LMF1: variants seen among roughly 807,000 people sequenced by gnomAD.
LMF1 encodes transmembrane protein 112.
A neutral mutation model predicts 60.6 loss-of-function variants in LMF1; 68 were observed. The ratio of observed to expected loss-of-function variants is 1.12; its 90% CI spans 0.92 to 1.37. LMF1 has a LOEUF of 1.37. LMF1 is among the 40% of genes most tolerant of loss of function. The pLI is 0.00. For missense variants in LMF1, 948 were observed against 767.2 expected, an observed-to-expected ratio of 1.24 and a Z score of -2.78; for synonymous variants, 418 against 324.7, an observed-to-expected ratio of 1.29 and a Z score of -3.09.
At position 887,876 on chromosome 16, in the gene LMF1, C is replaced by A. The variant is rs971096912; in HGVS notation, c.729+5131G>T. 7.2e-5 allele frequency among the ~76,000 whole-genome samples: 11 copies of A among 152,300 alleles called. No individual in the cohort carries two copies. The East Asian group carries it at 7.7e-4, about 11-fold the overall frequency. On this transcript the variant is annotated intron_variant, in intron 5 of 10. Coordinates refer to ENST00000262301, the MANE Select transcript of LMF1 (RefSeq NM_022773.4). ...GCAGGTGTGGGAGCCCAGAGACGCA[C>A]CCCCAAGTTGCAGGCTGCCGGCCAC...
chr16:912,812 C>G (rs2071158379), intron 3 of LMF1, among the ~76,000 whole-genome samples: 1 of 152,244 alleles, frequency 6.6e-6, no homozygotes, highest in African/African-American at 2.4e-5. Flanking sequence ...GGAATTCCAG[C>G]AGCTGCGCGG....
chr16:860,772 A>AT (rs34315163), intron 10 of LMF1, among the ~76,000 whole-genome samples: 1 of 151,682 alleles, frequency 6.6e-6, no homozygotes, highest in African/African-American at 2.4e-5. Flanking sequence ...TGTAAAAAAA[A>AT]CTCATCCGGG....
intron 2 of LMF1, among the ~76,000 whole-genome samples, chr16:939,191 A>T (rs8049417): frequency 0.49 from 74,983 of 152,074 alleles, 20,766 homozygotes; most frequent in African/African-American, 0.75. Context: ...TTTTCACTTA[A>T]AAACTCTCAG....
chr16:874,965 G>A lies in LMF1; in HGVS notation c.898-3624C>T, dbSNP rs532284594. On this transcript the variant is annotated intron_variant, in intron 6 of 10. Transcript: ENST00000262301. This position sits in a 1 kb window ranked among gnomAD's most constrained non-coding sequence, Gnocchi z 4.1. ...AAGCCCTAGTTCAAGACCCCACACT[G>A]CCTGTGAGGGGGCAGGATACATCGC... 1.2e-4 allele frequency among the ~76,000 whole-genome samples: 18 copies of A among 152,310 alleles called. 1 individual carries two copies. In the South Asian group the frequency reaches 1.7e-3, roughly 14 times the overall value.
intron 5 of LMF1, among the ~76,000 whole-genome samples, chr16:882,393 G>T (rs1309492359): frequency 6.6e-6 from 1 of 152,240 alleles, no homozygotes; most frequent in Non-Finnish European, 1.5e-5. Context: ...AGTCCTTGAA[G>T]AGGCAGCTCC....
At chr16:915,355 G>A (rs781349995) in intron 3 of LMF1, among the ~76,000 whole-genome samples, 1 of 152,186 alleles carries the variant, frequency 6.6e-6, no homozygotes, top group African/African-American at 2.4e-5. Context: ...CACAACGGCC[G>A]GGGTCCCTCA....
chr16:954,660 G>A lies in LMF1; in HGVS notation c.200C>T (p.Ala67Val), dbSNP rs1366658492. 1 of 1,589,332 alleles carries A rather than the reference G, an allele frequency of 6.3e-7. No individual in the cohort carries two copies. The highest frequency in any genetic ancestry group is 1.7e-5 in the Admixed American group (1 of 57,598). ...LKALAFVYFVAFLVAFHQNKQ... is the reference protein window; with the variant it reads ...LKALAFVYFVVFLVAFHQNKQ... ...GTTCTGATGGAAAGCCACCAGGAAT[G>A]CCACGACTGGAAGAAAAAGAAGACA... The change falls in exon 2 of 11, where the codon GCA becomes GTA. Residue 67 changes from alanine to valine, a missense_variant. By Grantham distance (64) the Ala-to-Val change is moderately conservative. Coordinates refer to ENST00000262301, the MANE Select transcript of LMF1 (RefSeq NM_022773.4).
chr16:922,203 C>A (rs1180586923), intron 3 of LMF1, among the ~76,000 whole-genome samples: 1 of 152,204 alleles, frequency 6.6e-6, no homozygotes, highest in Non-Finnish European at 1.5e-5. Context: ...TGGCAGCAAC[C>A]ACCCAGGGGC....
intron 1 of LMF1, among the ~76,000 whole-genome samples, 194 bp downstream of exon 1, chr16:970,594 T>C (rs959510551): frequency 5.3e-5 from 8 of 151,978 alleles, no homozygotes; most frequent in African/African-American, 1.7e-4. Flanking sequence ...GCGACAGGGG[T>C]AGGGCCGGGT....
intron 4 of LMF1, chr16:900,065 A>G (rs1342982112): frequency 6.6e-6 from 1 of 152,228 alleles, no homozygotes; most frequent in East Asian, 1.9e-4. Context: ...TAAAGAAGTC[A>G]CTGCACCCGG....
intron 10 of LMF1, among the ~76,000 whole-genome samples, 167 bp downstream of exon 10, chr16:868,777 G>GGT (rs1491429075): frequency 2.8e-3 from 211 of 75,342 alleles, no homozygotes; most frequent in African/African-American, 0.023. Flanking sequence ...GATGTGGGGC[G>GGT]GGGGGGGGGG....
At chr16:921,556 C>T (rs1210405218) in intron 3 of LMF1, among the ~76,000 whole-genome samples, 3 of 152,250 alleles carry the variant, frequency 2.0e-5, no homozygotes, top group Non-Finnish European at 4.4e-5. Context: ...TGTACAAATG[C>T]GGGCGGTGAC....
Position 897,374 on chromosome 16 carries a change from G to A in LMF1, c.664-4302C>T, listed in dbSNP as rs957461149. The stretch of plus-strand genomic sequence containing the variant: ...CAGACCCCCAGCCCCTACAGTCCCC[G>A]AAAGCACCGGCTAACGTGGTGTTTG... On this transcript the variant is annotated intron_variant, in intron 4 of 10. Coordinates refer to ENST00000262301, the MANE Select transcript of LMF1 (RefSeq NM_022773.4). The surrounding 1 kb of genome is among the most constrained non-coding windows in gnomAD (Gnocchi z 4.3). Among the ~76,000 whole-genome samples, 8 of 152,156 alleles carry A rather than the reference G, an allele frequency of 5.3e-5. No individual in the cohort carries two copies. The highest frequency in any genetic ancestry group is 1.7e-4 in the African/African-American group (7 of 41,420).
chr16:884,367 T>C (rs1596900717), intron 5 of LMF1, among the ~76,000 whole-genome samples: 1 of 152,358 alleles, frequency 6.6e-6, no homozygotes, highest in African/African-American at 2.4e-5. Flanking sequence ...CATAAGGAGT[T>C]GTCACAGGAA....
At chr16:941,766 A>G (rs1005115553) in intron 2 of LMF1, among the ~76,000 whole-genome samples, 1 of 152,202 alleles carries the variant, frequency 6.6e-6, no homozygotes, top group African/African-American at 2.4e-5. Flanking sequence ...AACAGCAGGT[A>G]TCTCACCTAC....
intron 3 of LMF1, among the ~76,000 whole-genome samples, chr16:931,201 G>A (rs1048942887): frequency 1.2e-4 from 18 of 152,170 alleles, no homozygotes; most frequent in African/African-American, 4.1e-4. Flanking sequence ...TGCAGCCAAC[G>A]CAACCAAGGA....
intron 10 of LMF1, among the ~76,000 whole-genome samples, chr16:858,861 C>A (rs868826863): frequency 7.3e-5 from 3 of 41,262 alleles, no homozygotes; most frequent in Non-Finnish European, 1.3e-4. Flanking sequence ...TGTCACGGGA[C>A]GGGTGTGAGT....
chr16:905,232 CACA>C, intron 4 of LMF1: 1 of 162,626 alleles, frequency 6.1e-6, no homozygotes, highest in Non-Finnish European at 1.3e-5. Context: ...CTGCACCGCC[CACA>C]GGATGCCTGT....
chr16:926,178 A>T (rs1037543415), intron 3 of LMF1, among the ~76,000 whole-genome samples: 9 of 150,930 alleles, frequency 6.0e-5, no homozygotes, highest in African/African-American at 2.2e-4. Context: ...GCGTGTGCAC[A>T]CATTTGCATA....
Sources: gnomAD v4.1 joint callset for allele counts (sites outside exome capture counted in the v4.1 genomes callset) on GRCh38, gnomAD v4.1.1 for gene constraint, Gnocchi (gnomAD v3.1) non-coding constraint, MANE v1.5 for transcripts, NCBI Gene and HGNC (gene_info 2026-07-23, HGNC 2026-07-21) for gene names.